The following PITPNC1 variants were observed in gnomAD, a reference collection of about 807,000 sequenced individuals.
PITPNC1 encodes cytoplasmic phosphatidylinositol transfer protein 1.
A neutral mutation model predicts 44.7 loss-of-function variants in PITPNC1; 18 were observed. That is an observed-to-expected ratio of 0.40 (90% CI 0.28 to 0.60). The LOEUF (loss-of-function observed/expected upper bound fraction) is 0.60. Ranked by LOEUF, PITPNC1 falls within the 20% of genes least tolerant of loss-of-function variation. The pLI, the probability that PITPNC1 is intolerant of heterozygous loss-of-function variation, is 0.39. For synonymous variants in PITPNC1, 141 were observed against 149.6 expected, an observed-to-expected ratio of 0.94 and a Z score of 0.42; for missense variants, 290 against 418.4, an observed-to-expected ratio of 0.69 and a Z score of 2.68.
intron 1 of PITPNC1, among the ~76,000 whole-genome samples, chr17:67,502,839 C>T (rs2040053056): frequency 6.6e-6 from 1 of 151,200 alleles, no homozygotes; most frequent in East Asian, 1.9e-4. Context: ...GTCACCCAGG[C>T]TGGAGTATAG....
intron 1 of PITPNC1, among the ~76,000 whole-genome samples, chr17:67,400,899 C>T (rs1004986472): frequency 5.9e-5 from 9 of 151,644 alleles, no homozygotes; most frequent in Non-Finnish European, 1.5e-5. Context: ...ACGCTTTCAC[C>T]TGCCAATTAT....
intron 1 of PITPNC1, among the ~76,000 whole-genome samples, chr17:67,499,765 A>G (rs2040002811): frequency 6.6e-6 from 1 of 152,236 alleles, no homozygotes; most frequent in African/African-American, 2.4e-5. Flanking sequence ...ATTCAGTACA[A>G]TAGCATGCTT....
At chr17:67,660,447 T>C (rs947115713) in intron 6 of PITPNC1, among the ~76,000 whole-genome samples, 1 of 152,294 alleles carries the variant, frequency 6.6e-6, no homozygotes, top group African/African-American at 2.4e-5. Flanking sequence ...CTAACATCAA[T>C]TGAGCACTTG....
rs1281830078 is a variant in PITPNC1 at position 67,523,806 on chromosome 17, C to CCTTTTTTTT, written c.49-8996_49-8995insCTTTTTTTT. Among the ~76,000 whole-genome samples the CCTTTTTTTT allele has an allele frequency of 4.7e-5, 6 of 127,634 alleles. 2 individuals carry two copies. The highest frequency in any genetic ancestry group is 8.2e-5 in the Non-Finnish European group (5 of 61,262). The allele number at this position is 127,634 out of a possible 152,430, so 83.7% of individuals were successfully genotyped here. A position where few individuals can be genotyped will look rare whatever the true frequency, so the allele number is the denominator to read the frequency against. ...CACCAGCTCAGAAATACATGGAAAC[C>CCTTTTTTTT]GTTTTTTTTTTTTTTTTTTTTTTTA... On this transcript the variant is annotated intron_variant, in intron 1 of 8. Transcript: ENST00000581322.
At chr17:67,450,402 C>T (rs1246972171) in intron 1 of PITPNC1, among the ~76,000 whole-genome samples, 5 of 151,694 alleles carry the variant, frequency 3.3e-5, no homozygotes, top group Non-Finnish European at 5.9e-5. Flanking sequence ...TAGTAAAATA[C>T]GTATAAGATA....
At chr17:67,612,471 G>GGAA (rs2041699468) in intron 5 of PITPNC1, 1 of 152,290 alleles carries the variant, frequency 6.6e-6, no homozygotes, top group African/African-American at 2.4e-5. Context: ...CTCACTTCCA[G>GGAA]GTGATGAAAT....
intron 7 of PITPNC1, among the ~76,000 whole-genome samples, chr17:67,674,428 C>G (rs2042567354): frequency 1.3e-5 from 2 of 149,994 alleles, no homozygotes; most frequent in South Asian, 4.2e-4. Context: ...CGCTTAAACA[C>G]AAGAGGCAGA....
chr17:67,428,432 C>T (rs117993750), intron 1 of PITPNC1, among the ~76,000 whole-genome samples: 2,908 of 151,428 alleles, frequency 0.019, 66 homozygotes, highest in South Asian at 0.11. Context: ...CCTAGCTAAT[C>T]GAGAGGCTAA....
In PITPNC1 at chr17:67,513,497, A is replaced by G. The variant is rs535655056; in HGVS notation, c.49-19305A>G. On this transcript the variant is annotated intron_variant, in intron 1 of 8. Transcript: ENST00000581322. ...ACTATATGTGTGTGTGTGTATATAT[A>G]TATATATATATATATAGTAAAAAAT... Among the ~76,000 whole-genome samples, 1,250 of 147,758 alleles carry G rather than the reference A, an allele frequency of 8.5e-3. 14 individuals carry two copies. The highest frequency in any genetic ancestry group is 0.014 in the Middle Eastern group (4 of 280).
intron 1 of PITPNC1, among the ~76,000 whole-genome samples, chr17:67,523,932 C>T (rs1180275790): frequency 6.6e-6 from 1 of 151,764 alleles, no homozygotes; most frequent in Non-Finnish European, 1.5e-5. Context: ...CTGCCTCAGC[C>T]TCCTGAGTAC....
intron 4 of PITPNC1, among the ~76,000 whole-genome samples, chr17:67,566,596 C>T (rs568554605): frequency 1.3e-5 from 2 of 152,146 alleles, no homozygotes; most frequent in Non-Finnish European, 2.9e-5. Flanking sequence ...TTTCAAGGTA[C>T]TAGGGTAATT....
At chr17:67,588,229 C>T (rs1361440634) in intron 5 of PITPNC1, among the ~76,000 whole-genome samples, 1 of 152,084 alleles carries the variant, frequency 6.6e-6, no homozygotes, top group Non-Finnish European at 1.5e-5. Context: ...ATCTTGAACT[C>T]CTGACCTCAA....
chr17:67,471,458 T>C (rs1359923813), intron 1 of PITPNC1: 1 of 357,294 alleles, frequency 2.8e-6, no homozygotes, highest in Non-Finnish European at 5.3e-6. Context: ...ACGTCTTCAT[T>C]TGAGAGATTT....
At chr17:67,631,656 A>T (rs2041972013) in intron 5 of PITPNC1, among the ~76,000 whole-genome samples, 1 of 38,270 alleles carries the variant, frequency 2.6e-5, no homozygotes, top group African/African-American at 8.5e-5. Flanking sequence ...AAAAAAAAAA[A>T]AATATATATA....
chr17:67,598,416 T>G (rs1021092687), intron 5 of PITPNC1, among the ~76,000 whole-genome samples: 3 of 152,198 alleles, frequency 2.0e-5, no homozygotes, highest in African/African-American at 7.2e-5. Context: ...GTTTAGGAGA[T>G]GCCATGGTGC....
At chr17:67,422,274 T>G (rs184904305) in intron 1 of PITPNC1, among the ~76,000 whole-genome samples, 2 of 152,358 alleles carry the variant, frequency 1.3e-5, no homozygotes, top group Admixed American at 1.3e-4. Context: ...TGCATAGAGT[T>G]GGAGGTGAGT....
At chr17:67,594,134 G>A (rs967590591) in intron 5 of PITPNC1, among the ~76,000 whole-genome samples, 9 of 152,114 alleles carry the variant, frequency 5.9e-5, no homozygotes, top group Admixed American at 5.2e-4. Context: ...ACCAGCCTTC[G>A]ACCAAATAGG....
At chr17:67,647,466 T>TTTTTTTG (rs2042162971) in intron 6 of PITPNC1, among the ~76,000 whole-genome samples, 2 of 63,732 alleles carry the variant, frequency 3.1e-5, no homozygotes, top group African/African-American at 2.3e-4. Context: ...AATTTTGGGT[T>TTTTTTTG]TTTTTTTTTT....
At chr17:67,579,474 G>T (rs1383343981) in intron 5 of PITPNC1, among the ~76,000 whole-genome samples, 1 of 152,114 alleles carries the variant, frequency 6.6e-6, no homozygotes, top group Admixed American at 6.5e-5. Context: ...CCTTGAAGTG[G>T]CAGCCCAATG....
Sources: gnomAD v4.1 joint callset for allele counts (sites outside exome capture counted in the v4.1 genomes callset) on GRCh38, gnomAD v4.1.1 for gene constraint, MANE v1.5 for transcripts, NCBI Gene and HGNC (gene_info 2026-07-23, HGNC 2026-07-21) for gene names.